The following CD2AP variants were observed in gnomAD, a reference collection of about 807,000 sequenced individuals.
CD2AP encodes CD2-associated protein.
CD2AP carries 46 observed loss-of-function variants against 85.1 expected under a neutral mutation model. The ratio of observed to expected loss-of-function variants is 0.54; its 90% CI spans 0.43 to 0.69. The LOEUF is 0.69. Among genes scored for constraint, CD2AP ranks in the 30% least tolerant of loss-of-function variants. The probability of loss-of-function intolerance (pLI) is 0.00; values close to 1 mark genes in which losing one functional copy is unlikely to be tolerated. For synonymous variants in CD2AP, 255 were observed against 252.9 expected, an observed-to-expected ratio of 1.01 and a Z score of -0.08; for missense variants, 769 against 729.5, an observed-to-expected ratio of 1.05 and a Z score of -0.62.
chr6:47,503,977 A>G (rs1766063713), intron 2 of CD2AP, among the ~76,000 whole-genome samples: 1 of 152,088 alleles, frequency 6.6e-6, no homozygotes, highest in African/African-American at 2.4e-5. Context: ...GCATTTGGTC[A>G]TACTTTTTGT....
chr6:47,556,125 A>G (rs1321695746), intron 5 of CD2AP, among the ~76,000 whole-genome samples: 2 of 149,152 alleles, frequency 1.3e-5, no homozygotes, highest in Non-Finnish European at 3.0e-5. Flanking sequence ...TTTGTTACAT[A>G]GGTATACATG....
chr6:47,511,449 A>C (rs1725876524), intron 2 of CD2AP, among the ~76,000 whole-genome samples: 1 of 152,240 alleles, frequency 6.6e-6, no homozygotes. Flanking sequence ...GGATTCTGGA[A>C]CAGAAAAAGG....
intron 15 of CD2AP, among the ~76,000 whole-genome samples, 159 bp downstream of exon 15, chr6:47,608,187 A>G (rs560325110): frequency 1.3e-4 from 20 of 152,242 alleles, no homozygotes; most frequent in African/African-American, 4.8e-4. Flanking sequence ...TCATCAGACT[A>G]TTTTCTGCAA....
At chr6:47,504,876 A>G (rs901758114) in intron 2 of CD2AP, among the ~76,000 whole-genome samples, 5 of 152,122 alleles carry the variant, frequency 3.3e-5, no homozygotes, top group African/African-American at 1.2e-4. Flanking sequence ...TTAATTTTAA[A>G]ATATTGGTAA....
intron 1 of CD2AP, among the ~76,000 whole-genome samples, chr6:47,482,100 G>A (rs1368991921): frequency 6.6e-6 from 1 of 152,174 alleles, no homozygotes; most frequent in Non-Finnish European, 1.5e-5. Flanking sequence ...GTTGCAAATG[G>A]AAATTGCATG....
chr6:47,534,216 A>G (rs1275480911), intron 3 of CD2AP, among the ~76,000 whole-genome samples: 1 of 152,216 alleles, frequency 6.6e-6, no homozygotes, highest in African/African-American at 2.4e-5. Context: ...TTAGGGGAAC[A>G]ACTTGGCAAA....
At chr6:47,511,950 A>G (rs545504706) in intron 2 of CD2AP, among the ~76,000 whole-genome samples, 14 of 152,220 alleles carry the variant, frequency 9.2e-5, no homozygotes, top group African/African-American at 3.4e-4. Context: ...CGAGGTCAGG[A>G]GATTGGGACC....
At chr6:47,484,117 C>T (rs1765510471) in intron 1 of CD2AP, among the ~76,000 whole-genome samples, 7 of 151,994 alleles carry the variant, frequency 4.6e-5, no homozygotes, top group South Asian at 2.1e-4. Context: ...CTCCCTCATA[C>T]TCCTCCCAGC....
At chr6:47,604,468 T>C (rs555954831) in intron 13 of CD2AP, among the ~76,000 whole-genome samples, 2 of 152,196 alleles carry the variant, frequency 1.3e-5, no homozygotes, top group Non-Finnish European at 2.9e-5. Context: ...CATTTTTCTT[T>C]GTCTTTTCCT....
rs190323346 is a variant in CD2AP, at chr6:47,535,827, C to T, written c.319+2072C>T. 6.6e-5 allele frequency among the ~76,000 whole-genome samples: 10 copies of T among 152,288 alleles called. No individual in the cohort carries two copies. The East Asian group carries it at 1.9e-3, about 29-fold the overall frequency. ...CCCACGGGAGGTTTTTTCATGACCT[C>T]TGTCCATAGTAAAATCCATTTACAA... On this transcript the variant is annotated intron_variant, in intron 3 of 17. Coordinates refer to ENST00000359314, the MANE Select transcript of CD2AP (RefSeq NM_012120.3).
At chr6:47,485,278 C>T (rs770532132) in intron 1 of CD2AP, among the ~76,000 whole-genome samples, 3 of 151,986 alleles carry the variant, frequency 2.0e-5, no homozygotes, top group African/African-American at 7.3e-5. Flanking sequence ...GCCCTATGCA[C>T]GTTTTTCACC....
At chr6:47,602,799 CTGAGG>C (rs1033001947) in intron 13 of CD2AP, among the ~76,000 whole-genome samples, 1 of 150,728 alleles carries the variant, frequency 6.6e-6, no homozygotes, top group African/African-American at 2.4e-5. Context: ...GGGAGGGAGG[CTGAGG>C]TGAGAGGGTT....
chr6:47,552,139 T>A (rs943854451), intron 4 of CD2AP, among the ~76,000 whole-genome samples: 11 of 151,964 alleles, frequency 7.2e-5, no homozygotes, highest in African/African-American at 1.7e-4. Context: ...CTGTTTTTTT[T>A]AAATTTTTTA....
intron 11 of CD2AP, among the ~76,000 whole-genome samples, chr6:47,583,474 A>G (rs1344050701): frequency 6.6e-6 from 1 of 151,944 alleles, no homozygotes; most frequent in Non-Finnish European, 1.5e-5. Context: ...TAATGACTCC[A>G]TAGTTTTGCC....
chr6:47,516,824 G>A (rs149921469), intron 2 of CD2AP, among the ~76,000 whole-genome samples: 2 of 152,180 alleles, frequency 1.3e-5, no homozygotes, highest in East Asian at 3.9e-4. Context: ...GGAAAGTCAT[G>A]GACAATCAAC....
At chr6:47,528,812 A>ATTTTTTTG (rs1475404912) in intron 2 of CD2AP, among the ~76,000 whole-genome samples, 3 of 152,140 alleles carry the variant, frequency 2.0e-5, no homozygotes, top group African/African-American at 7.2e-5. Flanking sequence ...GAGATCACAG[A>ATTTTTTTG]GATTTTTTTG....
intron 11 of CD2AP, among the ~76,000 whole-genome samples, chr6:47,586,707 A>G: frequency 6.6e-6 from 1 of 152,186 alleles, no homozygotes; most frequent in South Asian, 2.1e-4. Context: ...AAGGAAAACG[A>G]TACTAGATTG....
At chr6:47,505,677 A>ACC (rs1175973781) in intron 2 of CD2AP, among the ~76,000 whole-genome samples, 1 of 50,662 alleles carries the variant, frequency 2.0e-5, no homozygotes, top group Non-Finnish European at 4.7e-5. Context: ...GGGGGGGCTG[A>ACC]CCCCCCCATC....
chr6:47,589,401 T>C (rs140783842), intron 11 of CD2AP, among the ~76,000 whole-genome samples: 5 of 12,116 alleles, frequency 4.1e-4, no homozygotes, highest in Non-Finnish European at 1.3e-3. Context: ...CACAAATGTA[T>C]ATACACACAC....
Sources: gnomAD v4.1 joint callset for allele counts (sites outside exome capture counted in the v4.1 genomes callset) on GRCh38, gnomAD v4.1.1 for gene constraint, MANE v1.5 for transcripts, NCBI Gene and HGNC (gene_info 2026-07-23, HGNC 2026-07-21) for gene names.